PTPRD: variants seen among roughly 807,000 people sequenced by gnomAD.
The protein encoded by PTPRD is receptor-type tyrosine-protein phosphatase delta.
PTPRD carries 34 observed loss-of-function variants against 214.5 expected under a neutral mutation model. The ratio of observed to expected loss-of-function variants is 0.16; its 90% confidence interval spans 0.12 to 0.21. PTPRD has a LOEUF of 0.21. PTPRD is among the 10% of genes least tolerant of loss of function. PTPRD has a pLI of 1.00. For synonymous variants in PTPRD, 1,128 were observed against 845.7 expected, an observed-to-expected ratio of 1.33 and a Z score of -5.79; for missense variants, 2,545 against 2,398.7, an observed-to-expected ratio of 1.06 and a Z score of -1.27.
chr9:9,652,666 G>T, intron 7 of PTPRD, among the ~76,000 whole-genome samples: 1 of 150,854 alleles, frequency 6.6e-6, no homozygotes, highest in Admixed American at 6.6e-5. Flanking sequence ...CCAGGCTGGA[G>T]TGCAATGGCA....
At chr9:9,799,384 A>G (rs1470626429) in intron 5 of PTPRD, 1 of 152,228 alleles carries the variant, frequency 6.6e-6, no homozygotes, top group East Asian at 1.9e-4. Context: ...AGAATGGAAC[A>G]TTCAGAGGAT....
chr9:9,596,486 T>C lies in PTPRD; in HGVS notation c.-286-21705A>G, dbSNP rs562288018. ...GCCTTTTTATTTACAAAGGTTGTTA[T>C]TGCTAATACACAGAAATATTTTTAA... On this transcript the variant is annotated intron_variant, in intron 7 of 45. Transcript: ENST00000381196. Among the ~76,000 whole-genome samples, 6 of 152,136 alleles carry C rather than the reference T, an allele frequency of 3.9e-5. No homozygotes were observed. In the South Asian group the frequency reaches 1.2e-3, roughly 32 times the overall value.
At chr9:9,702,926 CTA>C (rs2097531066) in intron 7 of PTPRD, among the ~76,000 whole-genome samples, 2 of 152,126 alleles carry the variant, frequency 1.3e-5, no homozygotes, top group Non-Finnish European at 2.9e-5. Flanking sequence ...ATACATGGAT[CTA>C]TATATGAGTC....
chr9:10,347,975 T>C (rs1039124092), intron 2 of PTPRD, among the ~76,000 whole-genome samples: 1 of 151,996 alleles, frequency 6.6e-6, no homozygotes, highest in Non-Finnish European at 1.5e-5. Flanking sequence ...GGAGAATCGC[T>C]TGAACCCAGG....
At chr9:8,814,568 G>T (rs1230640878) in intron 11 of PTPRD, among the ~76,000 whole-genome samples, 1 of 152,166 alleles carries the variant, frequency 6.6e-6, no homozygotes, top group Non-Finnish European at 1.5e-5. Context: ...GGTGACACGA[G>T]CAAGTCAAAA....
At chr9:8,610,068 C>T (rs2095388636) in intron 14 of PTPRD, among the ~76,000 whole-genome samples, 1 of 152,120 alleles carries the variant, frequency 6.6e-6, no homozygotes, top group Non-Finnish European at 1.5e-5. Flanking sequence ...ATGGGCTAAC[C>T]TGTAGACTAA....
intron 8 of PTPRD, among the ~76,000 whole-genome samples, chr9:9,490,163 T>G (rs759965507): frequency 3.3e-5 from 5 of 152,004 alleles, no homozygotes; most frequent in African/African-American, 1.2e-4. Flanking sequence ...GGCAAAACCA[T>G]CCTTCAAAAC....
intron 39 of PTPRD, among the ~76,000 whole-genome samples, chr9:8,343,564 G>A (rs1429040941): frequency 1.3e-5 from 2 of 151,950 alleles, no homozygotes; most frequent in Admixed American, 1.3e-4. Flanking sequence ...CTGTTAGATG[G>A]CGAGTTTTCC....
intron 11 of PTPRD, among the ~76,000 whole-genome samples, chr9:8,737,686 T>C (rs542863564): frequency 1.9e-4 from 29 of 152,346 alleles, no homozygotes; most frequent in African/African-American, 6.7e-4. Context: ...TCTCACTCTC[T>C]GTCAAGCAGG....
rs935338348 is a variant in PTPRD, at chr9:10,104,284, C to T, written c.-544-70494G>A. On this transcript the variant is annotated intron_variant, in intron 3 of 45. Coordinates refer to ENST00000381196, the MANE Select transcript of PTPRD (RefSeq NM_002839.4). ...AAGAATGTGAATGTACTTAATGCCA[C>T]GGAACTGTATAGTTACAAATGGTTA... Among the ~76,000 whole-genome samples the T allele has an allele frequency of 3.1e-4, 47 of 151,470 alleles. 1 individual carries two copies. The highest frequency in any genetic ancestry group is 3.1e-3 in the Admixed American group (47 of 15,152).
chr9:9,047,536 G>A (rs901494005), intron 10 of PTPRD, among the ~76,000 whole-genome samples: 3 of 152,000 alleles, frequency 2.0e-5, no homozygotes, highest in African/African-American at 4.8e-5. Context: ...CATAGTACTG[G>A]CATAAAAACA....
chr9:9,291,246 G>C (rs1794065452), intron 9 of PTPRD, among the ~76,000 whole-genome samples: 1 of 151,418 alleles, frequency 6.6e-6, no homozygotes, highest in African/African-American at 2.4e-5. Flanking sequence ...TCATCATACA[G>C]TATCAGCCTT....
chr9:9,638,724 C>T (rs2095848313), intron 7 of PTPRD, among the ~76,000 whole-genome samples: 1 of 152,190 alleles, frequency 6.6e-6, no homozygotes, highest in African/African-American at 2.4e-5. Context: ...GTATCAACTT[C>T]TGTCTTAGTG....
At chr9:9,720,368 AAG>A (rs2154432082) in intron 7 of PTPRD, among the ~76,000 whole-genome samples, 1 of 152,316 alleles carries the variant, frequency 6.6e-6, no homozygotes, top group East Asian at 1.9e-4. Flanking sequence ...AAGGAACATA[AAG>A]AGTTTACTGG....
intron 10 of PTPRD, among the ~76,000 whole-genome samples, chr9:9,144,867 A>G (rs547982427): frequency 6.6e-6 from 1 of 152,340 alleles, no homozygotes; most frequent in Non-Finnish European, 1.5e-5. Context: ...TGTTATTAAA[A>G]TTAGGAGAAA....
intron 2 of PTPRD, among the ~76,000 whole-genome samples, chr9:10,556,864 C>A (rs1205923425): frequency 3.3e-5 from 5 of 151,670 alleles, no homozygotes; most frequent in Admixed American, 3.3e-4. Flanking sequence ...ATTTGCTATC[C>A]AATACAATCA....
At chr9:9,746,941 T>C (rs1295658037) in intron 6 of PTPRD, among the ~76,000 whole-genome samples, 1 of 151,712 alleles carries the variant, frequency 6.6e-6, no homozygotes, top group African/African-American at 2.4e-5. Flanking sequence ...AAACAGTACA[T>C]TCTGAATCTG....
At chr9:10,572,872 CT>C (rs904151777) in intron 2 of PTPRD, among the ~76,000 whole-genome samples, 16 of 151,856 alleles carry the variant, frequency 1.1e-4, no homozygotes, top group African/African-American at 2.9e-4. Flanking sequence ...TGCCCCGTTT[CT>C]TTTTTTTATT....
chr9:8,703,360 A>C (rs999772453), intron 12 of PTPRD, among the ~76,000 whole-genome samples: 1 of 152,192 alleles, frequency 6.6e-6, no homozygotes, highest in African/African-American at 2.4e-5. Flanking sequence ...CCAGATTCAG[A>C]ATTCTCTGTT....
Sources: gnomAD v4.1 joint callset for allele counts (sites outside exome capture counted in the v4.1 genomes callset) on GRCh38, gnomAD v4.1.1 for gene constraint, MANE v1.5 for transcripts, NCBI Gene and HGNC (gene_info 2026-07-23, HGNC 2026-07-21) for gene names.